Variants in SGCG observed in about 807,000 individuals in gnomAD.
The protein encoded by SGCG is gamma-sarcoglycan.
Under a neutral mutation model 29.3 loss-of-function variants are expected in SGCG, and 26 were observed. The observed-to-expected ratio is 0.89, with a 90% CI of 0.65 to 1.23. The LOEUF (loss-of-function observed/expected upper bound fraction) is 1.23, where lower values mean the gene tolerates loss of function less well. SGCG is among the 50% of genes most tolerant of loss of function. The pLI is 0.00. For synonymous variants in SGCG, 145 were observed against 129.7 expected (o/e 1.12, Z -0.80); for missense variants, 353 against 356.0 (o/e 0.99, Z 0.07).
intron 1 of SGCG, among the ~76,000 whole-genome samples, chr13:23,201,054 T>TC: frequency 6.6e-6 from 1 of 152,132 alleles, no homozygotes; most frequent in African/African-American, 2.4e-5. Flanking sequence ...AAAGGACCAC[T>TC]CCAGCCTCGA....
intron 1 of SGCG, among the ~76,000 whole-genome samples, chr13:23,187,194 G>C (rs1462228248): frequency 6.6e-6 from 1 of 152,162 alleles, no homozygotes; most frequent in Non-Finnish European, 1.5e-5. Flanking sequence ...TGATGGGCCA[G>C]CTGTGTCAAC....
At chr13:23,187,004 TGTATCCAGGTTCAGCATCA>T (rs1055078603) in intron 1 of SGCG, among the ~76,000 whole-genome samples, 6 of 152,210 alleles carry the variant, frequency 3.9e-5, no homozygotes, top group African/African-American at 1.4e-4. Context: ...GGGATGCTGC[TGTATCCAGGTTCAGCATCA>T]GTGTCTGCTG....
chr13:23,193,900 GA>G (rs1175252804), intron 1 of SGCG, among the ~76,000 whole-genome samples: 1 of 152,168 alleles, frequency 6.6e-6, no homozygotes, highest in Non-Finnish European at 1.5e-5. Context: ...GAGAAAAAGA[GA>G]AGATTATGAA....
the SGCG span, among the ~76,000 whole-genome samples, chr13:23,162,397 G>A: frequency 6.6e-6 from 1 of 152,132 alleles, no homozygotes; most frequent in Non-Finnish European, 1.5e-5. Flanking sequence ...GGCGGATCAC[G>A]AGGTCAGGAG....
At chr13:23,287,379 G>A (rs945776002) in intron 5 of SGCG, among the ~76,000 whole-genome samples, 4 of 148,168 alleles carry the variant, frequency 2.7e-5, no homozygotes, top group Admixed American at 2.0e-4. Flanking sequence ...CAAGAAATGA[G>A]CCTCAGTCTT....
the SGCG span, among the ~76,000 whole-genome samples, chr13:23,160,805 C>A: frequency 2.6e-5 from 4 of 152,198 alleles, no homozygotes; most frequent in Non-Finnish European, 5.9e-5. Flanking sequence ...CCCGTGCCCT[C>A]TTTCTCCTCG....
chr13:23,295,557 T>G (rs1881875068), intron 6 of SGCG, 70 bp downstream of exon 6: 2 of 1,052,492 alleles, frequency 1.9e-6, no homozygotes, highest in Admixed American at 3.4e-5. Context: ...TGGAATAATG[T>G]TAGCAGTGAC....
chr13:23,176,491 G>A (rs575715979), upstream of SGCG, among the ~76,000 whole-genome samples: 1 of 152,070 alleles, frequency 6.6e-6, no homozygotes, highest in Non-Finnish European at 1.5e-5. Context: ...ATTATATAAT[G>A]ACCATTTTAA....
intron 2 of SGCG, among the ~76,000 whole-genome samples, chr13:23,216,533 A>G (rs767144967): frequency 1.3e-5 from 2 of 152,146 alleles, no homozygotes; most frequent in Admixed American, 6.5e-5. Context: ...TTATTAGTCT[A>G]TTATTTTGTT....
intron 7 of SGCG, among the ~76,000 whole-genome samples, chr13:23,322,784 CCCCCCG>C: frequency 8.9e-6 from 1 of 112,752 alleles, no homozygotes; most frequent in African/African-American, 3.3e-5. Context: ...CCCCCCCCCC[CCCCCCG>C]CCAACAGGTG....
chr13:23,235,330 G>A (rs1397771382), intron 3 of SGCG, among the ~76,000 whole-genome samples: 1 of 151,258 alleles, frequency 6.6e-6, no homozygotes, highest in East Asian at 1.9e-4. Flanking sequence ...CTGCATTCCA[G>A]CCTGGGCAAC....
intron 5 of SGCG, among the ~76,000 whole-genome samples, chr13:23,292,142 C>CTTTTTTTTT (rs1566034333): frequency 8.1e-6 from 1 of 123,954 alleles, no homozygotes; most frequent in Non-Finnish European, 1.6e-5. Flanking sequence ...TAGAGTCTTA[C>CTTTTTTTTT]TTTGTTGTCC....
intron 3 of SGCG, chr13:23,245,060 G>A (rs565874681): frequency 4.6e-5 from 7 of 152,252 alleles, no homozygotes; most frequent in Non-Finnish European, 8.8e-5. Context: ...TTTTCCTAAG[G>A]TTCATCCTGC....
At chr13:23,169,033 T>A in the SGCG span, among the ~76,000 whole-genome samples, 1 of 151,498 alleles carries the variant, frequency 6.6e-6, no homozygotes, top group African/African-American at 2.4e-5. Flanking sequence ...TCCATAAGGT[T>A]TAGTAATTTA....
chr13:23,183,270 T>G (rs920473210), intron 1 of SGCG, among the ~76,000 whole-genome samples: 5 of 152,072 alleles, frequency 3.3e-5, no homozygotes, highest in African/African-American at 1.2e-4. Context: ...GCATCACCCA[T>G]CAATGCACCC....
chr13:23,224,639 A>C (rs1255135861), intron 2 of SGCG, among the ~76,000 whole-genome samples: 1 of 147,252 alleles, frequency 6.8e-6, no homozygotes, highest in African/African-American at 2.6e-5. Flanking sequence ...ACCAACCCCA[A>C]ATTCCAACCC....
At chr13:23,176,431 C>A (rs1280970962), upstream of SGCG, among the ~76,000 whole-genome samples, 1 of 152,098 alleles carries the variant, frequency 6.6e-6, no homozygotes, top group Non-Finnish European at 1.5e-5. Context: ...CTGTTGGGTG[C>A]ATATATATTT....
At chr13:23,254,501 C>CA (rs879761489) in intron 4 of SGCG, among the ~76,000 whole-genome samples, 191 of 139,926 alleles carry the variant, frequency 1.4e-3, no homozygotes, top group Middle Eastern at 3.6e-3. Flanking sequence ...GATATAAGAG[C>CA]AAAAAAAAAA....
intron 4 of SGCG, among the ~76,000 whole-genome samples, chr13:23,271,965 T>C (rs911944028): frequency 1.3e-5 from 2 of 152,236 alleles, no homozygotes; most frequent in Non-Finnish European, 2.9e-5. Context: ...TTTTAACTTT[T>C]GTTTGTATGT....
Sources: allele counts gnomAD v4.1 joint callset (sites outside exome capture counted in the v4.1 genomes callset), GRCh38; gene constraint gnomAD v4.1.1; transcripts MANE v1.5; gene names NCBI Gene and HGNC (gene_info 2026-07-23, HGNC 2026-07-21).